ENTREP2: variants seen among roughly 807,000 people sequenced by gnomAD.
ENTREP2 encodes the protein protein ENTREP2.
chr15:29,343,762 A>C, the ENTREP2 span, among the ~76,000 whole-genome samples: 3 of 152,196 alleles, frequency 2.0e-5, no homozygotes, highest in Admixed American at 6.5e-5. Context: ...GCCTTGTTAT[A>C]GTTAGAAACT....
At chr15:29,162,305 C>A in the ENTREP2 span, among the ~76,000 whole-genome samples, 1 of 152,174 alleles carries the variant, frequency 6.6e-6, no homozygotes, top group East Asian at 1.9e-4. Flanking sequence ...GGGTTAGAAG[C>A]CTCCTGGCCA....
chr15:29,570,894 C>A, the ENTREP2 span, among the ~76,000 whole-genome samples: 1 of 144,898 alleles, frequency 6.9e-6, no homozygotes, highest in African/African-American at 2.5e-5. Flanking sequence ...GGGCGGGGAG[C>A]CGGGCGCCCG....
At chr15:29,423,730 G>A in the ENTREP2 span, among the ~76,000 whole-genome samples, 4 of 152,108 alleles carry the variant, frequency 2.6e-5, no homozygotes, top group Non-Finnish European at 5.9e-5. Flanking sequence ...CCTGGGAGGC[G>A]GAGGCTGCAG....
At chr15:29,272,743 G>C in the ENTREP2 span, among the ~76,000 whole-genome samples, 4 of 152,226 alleles carry the variant, frequency 2.6e-5, no homozygotes, top group African/African-American at 9.6e-5. Flanking sequence ...GTGCATATGC[G>C]CAATTGCACT....
At chr15:29,169,054 C>T in the ENTREP2 span, among the ~76,000 whole-genome samples, 1 of 152,016 alleles carries the variant, frequency 6.6e-6, no homozygotes, top group African/African-American at 2.4e-5. Context: ...ATATTCAAGG[C>T]AAAGTAATGA....
At chr15:29,400,577 G>A in the ENTREP2 span, among the ~76,000 whole-genome samples, 5 of 152,208 alleles carry the variant, frequency 3.3e-5, no homozygotes, top group Admixed American at 6.5e-5. Flanking sequence ...TAATCTCTAC[G>A]TTTCAACATT....
At chr15:29,226,789 G>A in the ENTREP2 span, among the ~76,000 whole-genome samples, 1 of 152,084 alleles carries the variant, frequency 6.6e-6, no homozygotes, top group South Asian at 2.1e-4. Flanking sequence ...AACAGGCTTT[G>A]GAAAAAATGA....
At chr15:29,360,371 AG>A in the ENTREP2 span, among the ~76,000 whole-genome samples, 3 of 152,270 alleles carry the variant, frequency 2.0e-5, no homozygotes, top group East Asian at 1.9e-4. Context: ...CCCAGGGCAA[AG>A]GAAGTCCATT....
the ENTREP2 span, among the ~76,000 whole-genome samples, chr15:29,669,313 T>C: frequency 6.6e-6 from 1 of 152,156 alleles, no homozygotes; most frequent in African/African-American, 2.4e-5. Context: ...GGTGGGTTAA[T>C]GGATTAATGT....
At chr15:29,342,055 C>T in the ENTREP2 span, among the ~76,000 whole-genome samples, 1 of 152,154 alleles carries the variant, frequency 6.6e-6, no homozygotes, top group Admixed American at 6.5e-5. Flanking sequence ...AAAAGACCAC[C>T]CCTTGCTCTA....
the ENTREP2 span, among the ~76,000 whole-genome samples, chr15:29,278,827 C>T: frequency 6.6e-6 from 1 of 152,204 alleles, no homozygotes; most frequent in African/African-American, 2.4e-5. Context: ...TTTCCTGGGG[C>T]TGCCACAGCA....
chr15:29,123,977 C>A, the ENTREP2 span, among the ~76,000 whole-genome samples: 18 of 152,236 alleles, frequency 1.2e-4, no homozygotes, highest in Admixed American at 1.1e-3. Flanking sequence ...CTCGCCTCCA[C>A]GACCTTTGCC....
the ENTREP2 span, among the ~76,000 whole-genome samples, chr15:29,334,580 TTGAC>T: frequency 0.6 from 91,198 of 151,980 alleles, 32,369 homozygotes; most frequent in Non-Finnish European, 0.77. Context: ...AGGTTGAACT[TTGAC>T]TGAGCGTATT....
the ENTREP2 span, among the ~76,000 whole-genome samples, chr15:29,283,780 G>A: frequency 3.9e-5 from 6 of 152,144 alleles, no homozygotes; most frequent in Admixed American, 3.3e-4. Context: ...TATTATTAGA[G>A]CACAAAAAAT....
the ENTREP2 span, among the ~76,000 whole-genome samples, chr15:29,521,181 C>T: frequency 2.6e-5 from 4 of 152,170 alleles, no homozygotes; most frequent in Non-Finnish European, 5.9e-5. Context: ...AAAGAATTAT[C>T]CAGCCCAAAA....
At chr15:29,268,516 A>G in the ENTREP2 span, 2 of 410,322 alleles carry the variant, frequency 4.9e-6, no homozygotes, top group Non-Finnish European at 8.6e-6. Flanking sequence ...TCCAGATCAT[A>G]GTCAAGTTTT....
chr15:29,232,497 AT>A, the ENTREP2 span, among the ~76,000 whole-genome samples: 9 of 150,536 alleles, frequency 6.0e-5, no homozygotes, highest in African/African-American at 2.2e-4. Context: ...GGGGGGTCTC[AT>A]TTTTTTTAAA....
chr15:29,385,589 T>C, the ENTREP2 span, among the ~76,000 whole-genome samples: 1 of 152,190 alleles, frequency 6.6e-6, no homozygotes, highest in African/African-American at 2.4e-5. Flanking sequence ...GCTGTCACTC[T>C]TGTGGTCTTC....
the ENTREP2 span, among the ~76,000 whole-genome samples, chr15:29,648,738 G>A: frequency 6.6e-6 from 1 of 152,034 alleles, no homozygotes; most frequent in Non-Finnish European, 1.5e-5. Context: ...AGGAGTTCAA[G>A]ACCAGCCTGG....
Sources: gnomAD v4.1 joint callset for allele counts (sites outside exome capture counted in the v4.1 genomes callset) on GRCh38, gnomAD v4.1.1 for gene constraint, MANE v1.5 for transcripts, NCBI Gene and HGNC (gene_info 2026-07-23, HGNC 2026-07-21) for gene names.